Variants in ACIN1 observed in about 807,000 individuals in gnomAD.
The protein encoded by ACIN1 is apoptotic chromatin condensation inducer 1, also known as apoptotic chromatin condensation inducer in the nucleus.
Under a neutral mutation model 146.6 loss-of-function variants are expected in ACIN1, and 16 were observed. That is an observed-to-expected ratio of 0.11 (90% CI 0.07 to 0.17). The LOEUF is 0.17. ACIN1 is among the 10% of genes least tolerant of loss of function. The pLI is 1.00. For synonymous variants in ACIN1, 569 were observed against 582.7 expected, an observed-to-expected ratio of 0.98 and a Z score of 0.34; for missense variants, 1,357 against 1,609.3, an observed-to-expected ratio of 0.84 and a Z score of 2.68.
chr14:23,067,908 C>G lies in ACIN1; in HGVS notation c.2265+1568G>C. 2 of 985,858 alleles carry G rather than the reference C, an allele frequency of 2.0e-6. No homozygotes were observed. The highest frequency in any genetic ancestry group is 2.4e-6 in the Non-Finnish European group (2 of 829,922). The allele number at this position is 985,858 out of a possible 1,614,324, so 61.1% of individuals were successfully genotyped here. A position where few individuals can be genotyped will look rare whatever the true frequency, so the allele number is the denominator to read the frequency against. On this transcript the variant is annotated intron_variant, in intron 9 of 18. Coordinates refer to ENST00000605057, the MANE Select transcript of ACIN1 (RefSeq NM_001386863.1). The surrounding 1 kb of genome is among the most constrained non-coding windows in gnomAD (Gnocchi z 4.6). ...CCAGGACCTGGCAGACATTCAGCAG[C>G]AAGGTCAGAATACTTCTCTTCGGAG...
Position 23,068,216 on chromosome 14 carries a change from T to C in ACIN1, c.2265+1260A>G, listed in dbSNP as rs942678889. The C allele has an allele frequency of 1.0e-6, 1 of 985,826 alleles. No homozygotes were observed. The highest frequency in any genetic ancestry group is 1.7e-5 in the African/African-American group (1 of 57,234). The allele number at this position is 985,826 out of a possible 1,614,324, so 61.1% of individuals were successfully genotyped here. A position where few individuals can be genotyped will look rare whatever the true frequency, so the allele number is the denominator to read the frequency against. Reference sequence around the variant, plus strand: ...AAGTAGAGGGTCCCACTCAGTGTTTTACAGCATGGCACTGCGATCACAAAC... The same window carrying C: ...AAGTAGAGGGTCCCACTCAGTGTTTCACAGCATGGCACTGCGATCACAAAC... On this transcript the variant is annotated intron_variant, in intron 9 of 18. Transcript: ENST00000605057. The surrounding 1 kb of genome is among the most constrained non-coding windows in gnomAD (Gnocchi z 4.3).
intron 1 of ACIN1, 98 bp downstream of exon 1, chr14:23,094,877 G>T (rs981854739): frequency 6.8e-7 from 1 of 1,469,810 alleles, no homozygotes; most frequent in African/African-American, 1.4e-5. Flanking sequence ...GCCTGAGCGA[G>T]CTCGCGCCGA....
rs1174784420 is a variant in ACIN1, at chr14:23,062,480, C to T, written c.2927G>A (p.Arg976His). 27 of 1,614,070 alleles carry T rather than the reference C, an allele frequency of 1.7e-5. No individual in the cohort carries two copies. The highest frequency in any genetic ancestry group is 2.2e-5 in the Non-Finnish European group (26 of 1,180,044). The change falls in exon 15 of 19, where the codon CGC becomes CAC. Residue 976 changes from arginine (R) to histidine (H), a missense_variant. By Grantham distance (29) the Arg-to-His change is conservative. Coordinates refer to ENST00000605057, the MANE Select transcript of ACIN1 (RefSeq NM_001386863.1). ...TLGQLKELLG[R>H]TGTLVEEAFW... ...GGCCTCTTCCACCAAGGTTCCTGTG[C>T]GCCCCAACAACTCCTTTAGCTGGCC...
intron 8 of ACIN1, among the ~76,000 whole-genome samples, chr14:23,074,872 T>G (rs911613023): frequency 6.6e-6 from 1 of 152,194 alleles, no homozygotes; most frequent in African/African-American, 2.4e-5. Context: ...ATGCTGAAAT[T>G]TTAGTTATTA....
In ACIN1 at chr14:23,066,020, AG is replaced by A. The variant is rs767775067; in HGVS notation, c.2266-13del. The A allele has an allele frequency of 3.1e-6, 5 of 1,613,156 alleles. No individual in the cohort carries two copies. The highest frequency in any genetic ancestry group is 1.1e-5 in the South Asian group (1 of 91,026). On this transcript the variant is annotated splice_polypyrimidine_tract_variant and intron_variant, in intron 9 of 18. Coordinates refer to ENST00000605057, the MANE Select transcript of ACIN1 (RefSeq NM_001386863.1). Reference sequence around the variant, plus strand: ...TTGGGCAGCGAGCTCTGTATGAAGAAGAAAAAGGGGAAAAAAAAGAGAAAGA... The same window carrying A: ...TTGGGCAGCGAGCTCTGTATGAAGAAAAAAAGGGGAAAAAAAAGAGAAAGA...
chr14:23,095,446 C>G, upstream of ACIN1: 1 of 1,060,022 alleles, frequency 9.4e-7, no homozygotes, highest in Non-Finnish European at 1.3e-6. Flanking sequence ...TATTTCCGGA[C>G]CTAGAGATGA....
chr14:23,079,916 T>C lies in ACIN1; in HGVS notation c.1419A>G (p.Leu473=), dbSNP rs539579410. 2.5e-6 allele frequency: 4 copies of C among 1,614,202 alleles called. No individual in the cohort carries two copies. Among genetic ancestry groups the C allele is most frequent in the East Asian group, 2.2e-5 (1 of 44,882 alleles). The change falls in exon 6 of 19, where the codon CTA becomes CTG. Residue 473 remains leucine (L), a synonymous_variant. Coordinates refer to ENST00000605057, the MANE Select transcript of ACIN1 (RefSeq NM_001386863.1). ...TGGCCAGTGCTAATTCCTCAATTTTTAGAGGGAGGGGCTGAGCAGATCTGT... is the reference window on the plus strand; with the variant it reads ...TGGCCAGTGCTAATTCCTCAATTTTCAGAGGGAGGGGCTGAGCAGATCTGT... ...ESDRSAQPLP[L]KIEELALAKG...
At chr14:23,095,544 A>G (rs1018241776), upstream of ACIN1, 7 of 489,512 alleles carry the variant, frequency 1.4e-5, no homozygotes, top group Admixed American at 3.9e-5. Context: ...TTTTCAGGAA[A>G]TTTGGAAGCT....
At position 23,093,529 on chromosome 14, in the gene ACIN1, T is replaced by C; in HGVS notation, c.154A>G (p.Asn52Asp). 6.2e-7 allele frequency: 1 copy of C among 1,614,062 alleles called. No homozygotes were observed. The highest frequency in any genetic ancestry group is 8.5e-7 in the Non-Finnish European group (1 of 1,179,964). Residue 52 changes from asparagine (N) to aspartate (D), a missense_variant, in exon 2 of 19, where the codon AAT becomes GAT. Physicochemically the swap from Asn to Asp is conservative, Grantham distance 23. This residue lies in a region of ACIN1 where 55 missense variants were observed against 123.9 expected (regional missense o/e 0.44). Coordinates refer to ENST00000605057, the MANE Select transcript of ACIN1 (RefSeq NM_001386863.1). ...TGGGGTGTTGAGTGTTTCTGTAAAT[T>C]TTCTAGCATTAGAGCCTGGTATAGA... is the stretch of plus-strand genomic sequence containing the variant. Reference protein sequence around the residue: ...KRLKGALMLENLQKHSTPHAA... With the variant: ...KRLKGALMLEDLQKHSTPHAA...
chr14:23,093,600 C>T (rs1455336269), intron 1 of ACIN1, 56 bp from the exon 2 acceptor site: 31 of 1,416,754 alleles, frequency 2.2e-5, no homozygotes, highest in Non-Finnish European at 2.9e-5. Context: ...GAAAAACAAA[C>T]CCCCACCTCT....
rs529084096 is a variant in ACIN1, at chr14:23,090,118, G to A, written c.317-17C>T. 400 of 1,610,736 alleles carry A rather than the reference G, an allele frequency of 2.5e-4. 4 individuals are homozygous for A. In the South Asian group the frequency reaches 3.8e-3, roughly 15 times the overall value. ...CTGAAGCTTCTGCAAAGTACAGATC[G>A]GGTCGGGGCAGGGAGGGAGTGAAGG... On this transcript the variant is annotated splice_polypyrimidine_tract_variant and intron_variant, in intron 3 of 18. Transcript: ENST00000605057.
intron 4 of ACIN1, among the ~76,000 whole-genome samples, chr14:23,082,910 C>A (rs142491193): frequency 2.7e-5 from 4 of 150,338 alleles, no homozygotes; most frequent in Non-Finnish European, 5.9e-5. Context: ...TGGCTAATTT[C>A]GGTATTTTTT....
intron 18 of ACIN1, among the ~76,000 whole-genome samples, chr14:23,059,966 T>TA (rs2047223613): frequency 7.1e-6 from 1 of 141,284 alleles, no homozygotes; most frequent in Non-Finnish European, 1.5e-5. Flanking sequence ...GTTTTTTTTT[T>TA]TTTTTTTTTT....
Position 23,090,508 on chromosome 14 carries a change from C to T in ACIN1, c.316+14G>A. 1 of 1,611,616 alleles carries T rather than the reference C, an allele frequency of 6.2e-7. No individual in the cohort carries two copies. The highest frequency in any genetic ancestry group is 8.5e-7 in the Non-Finnish European group (1 of 1,177,906). ...ATGACGAACTCCTTGTTAAAAGTGA[C>T]AATCTGGGCTTACCTTCAAGTTCTG... On this transcript the variant is annotated intron_variant, in intron 3 of 18. Transcript: ENST00000605057.
At chr14:23,066,147 C>CAGAGACAGACA (rs1186480038) in intron 9 of ACIN1, 139 bp from the exon 10 acceptor site, 1 of 621,910 alleles carries the variant, frequency 1.6e-6, no homozygotes, top group Non-Finnish European at 2.8e-6. Flanking sequence ...GAGAGAGACA[C>CAGAGACAGACA]AGAGACAGAC....
chr14:23,069,630 G>T lies in ACIN1; in HGVS notation c.2124-13C>A. On this transcript the variant is annotated splice_polypyrimidine_tract_variant and intron_variant, in intron 8 of 18. Coordinates refer to ENST00000605057, the MANE Select transcript of ACIN1 (RefSeq NM_001386863.1). The stretch of plus-strand genomic sequence containing the variant: ...CTCCTTCTCCTCACTGACAGGAGGG[G>T]GGAGTGGTGGTGGGGGGGCGGGCAG... The T allele has an allele frequency of 6.3e-7, 1 of 1,575,064 alleles. No individual in the cohort carries two copies. The highest frequency in any genetic ancestry group is 8.7e-7 in the Non-Finnish European group (1 of 1,151,316).
rs149280118 is a variant in ACIN1 at position 23,095,074 on chromosome 14, A to C, written c.39T>G (p.Pro13=). ...ELEEVTLDGK[P]LQALRVTDLK... ...GGTCGGTCACCCGCAGCGCCTGAAG[A>C]GGCTTCCCGTCCAGAGTCACCTCCT... The change falls in exon 1 of 19, where the codon CCT becomes CCG. Residue 13 remains proline (P), a synonymous_variant. Transcript: ENST00000605057. 67 of 1,614,088 alleles carry C rather than the reference A, an allele frequency of 4.2e-5. No homozygotes were observed. In the African/African-American group the frequency reaches 6.8e-4, roughly 16 times the overall value.
chr14:23,066,137 G>C (rs1026651986), intron 9 of ACIN1, 129 bp from the exon 10 acceptor site: 1 of 701,480 alleles, frequency 1.4e-6, no homozygotes, highest in Non-Finnish European at 2.4e-6. Context: ...GAGAGAGACA[G>C]AGAGAGACAC....
At chr14:23,078,538 T>C (rs201311742) in intron 7 of ACIN1, among the ~76,000 whole-genome samples, 1 of 152,214 alleles carries the variant, frequency 6.6e-6, no homozygotes, top group African/African-American at 2.4e-5. Flanking sequence ...GAATTCTTTT[T>C]TGAGAGAACT....
Sources: gnomAD v4.1 joint callset for allele counts (sites outside exome capture counted in the v4.1 genomes callset) on GRCh38, gnomAD v4.1.1 for gene constraint, gnomAD v4.1.1 regional missense constraint, Gnocchi (gnomAD v3.1) non-coding constraint, MANE v1.5 for transcripts, NCBI Gene and HGNC (gene_info 2026-07-23, HGNC 2026-07-21) for gene names.